BMI1: variants seen among roughly 807,000 people sequenced by gnomAD.
The protein encoded by BMI1 is polycomb complex protein BMI-1.
BMI1 carries 9 observed loss-of-function variants against 39.1 expected under a neutral mutation model. The observed-to-expected ratio is 0.23, with a 90% CI of 0.14 to 0.40. The LOEUF (loss-of-function observed/expected upper bound fraction) is 0.40. BMI1 is among the 10% of genes least tolerant of loss of function. BMI1 has a pLI of 1.00. For missense variants in BMI1, 252 were observed against 390.8 expected (o/e 0.64, Z 2.99); for synonymous variants, 131 against 127.9 (o/e 1.02, Z -0.16).
At chr10:22,324,417 A>G (rs147030105) in intron 1 of BMI1, among the ~76,000 whole-genome samples, 58 of 152,050 alleles carry the variant, frequency 3.8e-4, no homozygotes, top group African/African-American at 1.4e-3. Context: ...TCTACCTACA[A>G]CTCCTCCGTG....
chr10:22,329,012 GTTC>G lies in BMI1; in HGVS notation c.571-33_571-31del, dbSNP rs201253150. On this transcript the variant is annotated intron_variant, in intron 8 of 9. Transcript: ENST00000376663. Reference sequence around the variant, plus strand: ...TGACAAAAAATGTACATTTACCTTTGTTCTTTTATTACTTAATAAAAATATTTT... The same window carrying G: ...TGACAAAAAATGTACATTTACCTTTGTTTTATTACTTAATAAAAATATTTT... The G allele has an allele frequency of 1.8e-4, 283 of 1,549,250 alleles. 2 individuals are homozygous for G. In the East Asian group the frequency reaches 5.3e-3, roughly 29 times the overall value.
chr10:22,327,742 A>G lies in BMI1; in HGVS notation c.266A>G (p.Asn89Ser). The change falls in exon 5 of 10, where the codon AAT (asparagine) becomes AGT (serine). Residue 89 changes from asparagine (N) to serine (S), a missense_variant and splice_region_variant. Physicochemically the swap from Asn to Ser is conservative, Grantham distance 46 (BLOSUM62 1). Coordinates refer to ENST00000376663, the MANE Select transcript of BMI1 (RefSeq NM_005180.9). Reference protein sequence around the residue: ...VYKLVPGLFKNEMKRRRDFYA... With the variant: ...VYKLVPGLFKSEMKRRRDFYA... ...GTTTACATCTTTTTTCCCCATTCAG[A>G]TGAAATGAAGAGAAGAAGGGATTTT... The G allele has an allele frequency of 6.2e-7, 1 of 1,613,424 alleles. No individual in the cohort carries two copies. Among genetic ancestry groups the G allele is most frequent in the Non-Finnish European group, 8.5e-7 (1 of 1,179,610 alleles).
chr10:22,331,557 G>A (rs1380237687), downstream of BMI1: 1 of 152,136 alleles, frequency 6.6e-6, no homozygotes, highest in Non-Finnish European at 1.5e-5. Flanking sequence ...GTTAATGGAA[G>A]TGTCAAGTGA....
rs1414163365 is a variant in BMI1, at chr10:22,330,630, AAC to A, written c.*1090_*1091del. 6.6e-6 allele frequency: 1 copy of A among 152,230 alleles called. No homozygotes were observed. The highest frequency in any genetic ancestry group is 1.5e-5 in the Non-Finnish European group (1 of 68,018). 9.4% of individuals were successfully genotyped at this position (152,230 alleles called of 1,614,324 possible). On this transcript the variant is annotated 3_prime_UTR_variant, in exon 10 of 10. Transcript: ENST00000376663. Reference sequence around the variant, plus strand: ...TGCATATTGATCACTATAATTCTAAAACAATTTTTTAAATAAACCAGCAGGTT... The same window carrying A: ...TGCATATTGATCACTATAATTCTAAAAATTTTTTAAATAAACCAGCAGGTT...
At chr10:22,322,674 A>G (rs1347273180) in intron 1 of BMI1, among the ~76,000 whole-genome samples, 3 of 152,072 alleles carry the variant, frequency 2.0e-5, no homozygotes, top group African/African-American at 7.2e-5. Flanking sequence ...TGGAGACTGC[A>G]ACTTTTCTCT....
rs912778379 is a variant in BMI1 at position 22,329,774 on chromosome 10, CT to C, written c.*237del. The C allele has an allele frequency of 1.9e-6, 1 of 536,680 alleles. No homozygotes were observed. Among genetic ancestry groups the C allele is most frequent in the Non-Finnish European group, 3.2e-6 (1 of 312,448 alleles). The allele number at this position is 536,680 out of a possible 1,614,324, so 33.2% of individuals were successfully genotyped here. ...TTGGTTTCTTGGAAAGCAGGCAAGA[CT>C]TTTTCTCTGTGTTAGGAAAGATGGG... On this transcript the variant is annotated 3_prime_UTR_variant, in exon 10 of 10. Transcript: ENST00000376663.
In BMI1 at chr10:22,330,900, G is replaced by A. The variant is rs1482745502; in HGVS notation, c.*1358G>A. On this transcript the variant is annotated 3_prime_UTR_variant, in exon 10 of 10. Coordinates refer to ENST00000376663, the MANE Select transcript of BMI1 (RefSeq NM_005180.9). ...TTTTTGCTTTGGTCGAACTTGGTGTGTGTTCATCACCCATCAGTTATTTGT... is the reference window on the plus strand; with the variant it reads ...TTTTTGCTTTGGTCGAACTTGGTGTATGTTCATCACCCATCAGTTATTTGT... 1 of 152,512 alleles carries A rather than the reference G, an allele frequency of 6.6e-6. No homozygotes were observed. Among genetic ancestry groups the A allele is most frequent in the Non-Finnish European group, 1.5e-5 (1 of 67,970 alleles). 9.4% of individuals were successfully genotyped at this position (152,512 alleles called of 1,614,324 possible).
chr10:22,325,741 G>C (rs1343127586), intron 1 of BMI1: 1 of 151,818 alleles, frequency 6.6e-6, no homozygotes, highest in Non-Finnish European at 1.5e-5. Flanking sequence ...AAGTTGCTAT[G>C]GAAACCCCGA....
intron 2 of BMI1, 115 bp from the exon 3 acceptor site, chr10:22,326,772 CTTA>C (rs1182393973): frequency 7.3e-7 from 1 of 1,373,626 alleles, no homozygotes; most frequent in Admixed American, 2.0e-5. Flanking sequence ...TATGAATTAG[CTTA>C]TTTAGTTGGA....
chr10:22,328,229 A>C, intron 7 of BMI1, 50 bp downstream of exon 7: 1 of 1,552,902 alleles, frequency 6.4e-7, no homozygotes, highest in Non-Finnish European at 8.7e-7. Flanking sequence ...TTTGGAATCC[A>C]GATTTTATCA....
At chr10:22,327,177 G>C (rs774593861) in intron 3 of BMI1, among the ~76,000 whole-genome samples, 191 bp downstream of exon 3, 14 of 152,128 alleles carry the variant, frequency 9.2e-5, no homozygotes, top group Admixed American at 1.3e-4. Context: ...AAGTTTAGTA[G>C]TATTCAAGTG....
At position 22,321,137 on chromosome 10, in the gene BMI1, C is replaced by T. The variant is rs1221047778; in HGVS notation, c.-579C>T. 3 of 150,300 alleles carry T rather than the reference C, an allele frequency of 2.0e-5. No homozygotes were observed. The highest frequency in any genetic ancestry group is 3.0e-5 in the Non-Finnish European group (2 of 67,204). The allele number at this position is 150,300 out of a possible 1,614,324, so 9.3% of individuals were successfully genotyped here. ...CCTTCAGCGGTGCATTTTTTTCCAC[C>T]CTCCCCTCCCCCTCCTCCCCTCCCC... On this transcript the variant is annotated 5_prime_UTR_variant, in exon 1 of 10. Coordinates refer to ENST00000376663, the MANE Select transcript of BMI1 (RefSeq NM_005180.9).
intron 5 of BMI1, 45 bp downstream of exon 5, chr10:22,327,837 C>G (rs1333292969): frequency 4.3e-6 from 7 of 1,609,930 alleles, no homozygotes; most frequent in Non-Finnish European, 5.1e-6. Flanking sequence ...GGGGGGAGAG[C>G]TTATCTAGGA....
chr10:22,325,789 C>G (rs988447759), intron 1 of BMI1: 2 of 152,082 alleles, frequency 1.3e-5, no homozygotes, highest in Admixed American at 6.5e-5. Flanking sequence ...GACGGAGCCC[C>G]GGGCGCCGCC....
At chr10:22,322,004 G>T (rs1234624508) in intron 1 of BMI1, 1 of 146,444 alleles carries the variant, frequency 6.8e-6, no homozygotes, top group Non-Finnish European at 1.5e-5. Context: ...CGCCGCTCCA[G>T]CCGCCGCCGC....
intron 1 of BMI1, chr10:22,326,094 T>G: frequency 5.6e-6 from 1 of 178,182 alleles, no homozygotes; most frequent in East Asian, 1.6e-4. Context: ...TCCGCGGGGA[T>G]TGTGTGGCGT....
chr10:22,327,551 C>T, intron 3 of BMI1, 44 bp from the exon 4 acceptor site: 2 of 1,534,444 alleles, frequency 1.3e-6, no homozygotes, highest in South Asian at 1.2e-5. Context: ...ATTTTTAGTT[C>T]TTGCCATCTG....
intron 1 of BMI1, among the ~76,000 whole-genome samples, chr10:22,322,383 T>C (rs1836028398): frequency 6.6e-6 from 1 of 152,168 alleles, no homozygotes; most frequent in South Asian, 2.1e-4. Flanking sequence ...TTAACTTAAG[T>C]TGGGGGGACA....
rs1588620331 is a variant in BMI1 at position 22,326,899 on chromosome 10, C to T, written c.122C>T (p.Thr41Met). 1.9e-6 allele frequency: 3 copies of T among 1,613,820 alleles called. No homozygotes were observed. The highest frequency in any genetic ancestry group is 2.5e-6 in the Non-Finnish European group (3 of 1,179,878). Residue 41 changes from threonine (T) to methionine (M), a missense_variant, in exon 3 of 10, where the codon ACG becomes ATG. By Grantham distance (81) the Thr-to-Met change is moderately conservative (BLOSUM62 -1). This residue lies in a region of BMI1 where 62 missense variants were observed against 123.3 expected (regional missense o/e 0.50). Transcript: ENST00000376663. ...IIECLHSFCK[T>M]CIVRYLETSK... Reference sequence around the variant, plus strand: ...CATGTTCTACTTCTAGTCTGTAAAACGTGTATTGTTCGTTACCTGGAGACC... The same window carrying T: ...CATGTTCTACTTCTAGTCTGTAAAATGTGTATTGTTCGTTACCTGGAGACC...
Sources: gnomAD v4.1 joint callset for allele counts (sites outside exome capture counted in the v4.1 genomes callset) on GRCh38, gnomAD v4.1.1 for gene constraint, gnomAD v4.1.1 regional missense constraint, MANE v1.5 for transcripts, NCBI Gene and HGNC (gene_info 2026-07-23, HGNC 2026-07-21) for gene names.